Variants in ADGRA3 observed in about 807,000 individuals in gnomAD.
ADGRA3 encodes the protein G-protein coupled receptor 125.
In ADGRA3, 56 loss-of-function variants were observed where a neutral mutation model predicts 119.8. That is an observed-to-expected ratio of 0.47 (90% CI 0.38 to 0.58). The LOEUF (loss-of-function observed/expected upper bound fraction) is 0.58, where lower values mean the gene tolerates loss of function less well. ADGRA3 is among the 20% of genes least tolerant of loss of function. ADGRA3 has a pLI of 0.00. For missense variants in ADGRA3, 1,516 were observed against 1,649.0 expected (o/e 0.92, Z 1.40); for synonymous variants, 607 against 623.8 (o/e 0.97, Z 0.40).
chr4:22,413,501 C>A, intron 13 of ADGRA3, 100 bp downstream of exon 13: 2 of 1,367,134 alleles, frequency 1.5e-6, no homozygotes, highest in East Asian at 2.3e-5. Flanking sequence ...ACTAGTGACT[C>A]ATTAAAACGA....
intron 2 of ADGRA3, among the ~76,000 whole-genome samples, chr4:22,469,785 C>A (rs1717792208): frequency 6.6e-6 from 1 of 152,136 alleles, no homozygotes; most frequent in Non-Finnish European, 1.5e-5. Flanking sequence ...TGACACGGCT[C>A]CCTGCTTCCA....
chr4:22,416,313 A>C (rs1313053115), intron 12 of ADGRA3, among the ~76,000 whole-genome samples: 1 of 152,214 alleles, frequency 6.6e-6, no homozygotes, highest in African/African-American at 2.4e-5. Flanking sequence ...AGAGGTAATA[A>C]AGTAGAAAAA....
intron 4 of ADGRA3, among the ~76,000 whole-genome samples, chr4:22,450,215 C>T (rs1388653874): frequency 6.6e-6 from 1 of 151,002 alleles, no homozygotes; most frequent in Non-Finnish European, 1.5e-5. Context: ...ACAATAAGCT[C>T]ATAGAATGGA....
rs547414778 is a variant in ADGRA3, at chr4:22,400,607, G to T, written c.2481+824C>A. 1.3e-4 allele frequency among the ~76,000 whole-genome samples: 20 copies of T among 152,152 alleles called. No homozygotes were observed. The South Asian group carries it at 3.9e-3, about 30-fold the overall frequency. ...AATTATACAAGATGAAAAGTTCTAG[G>T]TATCTGCTGTACAATGTTGTGCTTA... On this transcript the variant is annotated intron_variant, in intron 16 of 18. Coordinates refer to ENST00000334304, the MANE Select transcript of ADGRA3 (RefSeq NM_145290.4).
At chr4:22,510,347 A>G (rs6821091) in intron 1 of ADGRA3, among the ~76,000 whole-genome samples, 150,249 of 152,222 alleles carry the variant, frequency 0.99, 74,164 homozygotes, top group Non-Finnish European at 0.99. Flanking sequence ...TGGTCTTTCT[A>G]GCTTAATCTC....
In ADGRA3 at chr4:22,461,820, A is replaced by C; in HGVS notation, c.330-12T>G. 6.4e-7 allele frequency: 1 copy of C among 1,571,448 alleles called. No homozygotes were observed. The highest frequency in any genetic ancestry group is 8.7e-7 in the Non-Finnish European group (1 of 1,143,528). ...TGTTTCGGAGGTCCCTGTTAAAAAT[A>C]AAATAAAAGTTATTCACATATCAAC... On this transcript the variant is annotated splice_polypyrimidine_tract_variant and intron_variant, in intron 2 of 18. Transcript: ENST00000334304.
chr4:22,443,965 TC>T lies in ADGRA3; in HGVS notation c.706+1007del, dbSNP rs541875121. ...TCCAAACAAAGACTAAACTGGGACC[TC>T]CCCCCATCACTTTAGGACTGTTTTT... is the stretch of plus-strand genomic sequence containing the variant. On this transcript the variant is annotated intron_variant, in intron 6 of 18. Coordinates refer to ENST00000334304, the MANE Select transcript of ADGRA3 (RefSeq NM_145290.4). Among the ~76,000 whole-genome samples the T allele has an allele frequency of 2.1e-3, 327 of 152,256 alleles. 2 individuals carry two copies. The highest frequency in any genetic ancestry group is 7.6e-3 in the African/African-American group (315 of 41,566).
rs1157572505 is a variant in ADGRA3, at chr4:22,515,734, C to A, written c.51G>T (p.Leu17=). ...RRGRAQPPLL[L]PLSLLALLAL... Reference sequence around the variant, plus strand: ...CGAGCAGCGCTAACAGCGAGAGCGGCAGCAACAGCGGCGGCTGCGCGCGGC... The same window carrying A: ...CGAGCAGCGCTAACAGCGAGAGCGGAAGCAACAGCGGCGGCTGCGCGCGGC... Residue 17 remains leucine (L), a synonymous_variant, in exon 1 of 19, where the codon CTG becomes CTT. Coordinates refer to ENST00000334304, the MANE Select transcript of ADGRA3 (RefSeq NM_145290.4). 2 of 1,045,880 alleles carry A rather than the reference C, an allele frequency of 1.9e-6. No homozygotes were observed. The highest frequency in any genetic ancestry group is 4.1e-5 in the South Asian group (1 of 24,314). 64.8% of individuals were successfully genotyped at this position (1,045,880 alleles called of 1,614,324 possible). A position where few individuals can be genotyped will look rare whatever the true frequency, so the allele number is the denominator to read the frequency against.
intron 1 of ADGRA3, among the ~76,000 whole-genome samples, chr4:22,484,898 T>C (rs1404975176): frequency 3.3e-5 from 5 of 152,210 alleles, no homozygotes; most frequent in Non-Finnish European, 5.9e-5. Context: ...ATCTGCTCCT[T>C]AGCCAGATAT....
chr4:22,498,252 C>CAA (rs72140644), intron 1 of ADGRA3, among the ~76,000 whole-genome samples: 118,026 of 151,538 alleles, frequency 0.78, 46,246 homozygotes, highest in African/African-American at 0.86. Context: ...GTTTCACAAA[C>CAA]AAAAAATAAA....
At chr4:22,429,879 T>C (rs1454994152) in intron 10 of ADGRA3, among the ~76,000 whole-genome samples, 1 of 152,154 alleles carries the variant, frequency 6.6e-6, no homozygotes, top group Admixed American at 6.5e-5. Context: ...TTTGGCTGTG[T>C]CCCCACCAAA....
At chr4:22,457,324 G>A (rs1030612938) in intron 3 of ADGRA3, among the ~76,000 whole-genome samples, 1 of 152,086 alleles carries the variant, frequency 6.6e-6, no homozygotes, top group African/African-American at 2.4e-5. Context: ...TACTTTATGT[G>A]TTCTTGTTAA....
intron 14 of ADGRA3, among the ~76,000 whole-genome samples, chr4:22,408,035 A>G (rs1459692341): frequency 2.6e-5 from 4 of 152,090 alleles, no homozygotes; most frequent in Admixed American, 6.5e-5. Flanking sequence ...ATGTAAAAAA[A>G]CAAAAATGTT....
chr4:22,491,949 C>G (rs577949026), intron 1 of ADGRA3, among the ~76,000 whole-genome samples: 64 of 152,204 alleles, frequency 4.2e-4, no homozygotes, highest in Non-Finnish European at 7.1e-4. Flanking sequence ...AGTTCCCAAT[C>G]GTCAGATCAA....
intron 1 of ADGRA3, among the ~76,000 whole-genome samples, chr4:22,503,230 A>G (rs1719111342): frequency 6.6e-6 from 1 of 152,198 alleles, no homozygotes; most frequent in Non-Finnish European, 1.5e-5. Context: ...GGTCTCATTT[A>G]AAACAAATAA....
chr4:22,387,757 T>C lies in ADGRA3; in HGVS notation c.3914A>G (p.Asp1305Gly), dbSNP rs1713899434. ...TCCAGTCCTAACATTGCCAGTGCTA[T>C]CGGTACCGAGCAAGGGTCCCTCCTG... ...NGQEGPLLGT[D>G]STGNVRTGLW... is the part of the protein sequence containing the mutation. The change falls in exon 19 of 19, where the codon GAT becomes GGT. Residue 1305 changes from aspartate (D) to glycine (G), a missense_variant. Asp to Gly is a moderately conservative substitution (Grantham distance 94, BLOSUM62 -1). Around this residue, in one of 2 missense-constraint regions of ADGRA3, gnomAD observed 1,088 missense variants for 1,107.1 expected, o/e 0.98. Transcript: ENST00000334304. The C allele has an allele frequency of 3.7e-6, 6 of 1,614,056 alleles. No homozygotes were observed. Among genetic ancestry groups the C allele is most frequent in the Non-Finnish European group, 5.1e-6 (6 of 1,179,960 alleles).
At chr4:22,439,816 G>T (rs1577349781) in intron 7 of ADGRA3, among the ~76,000 whole-genome samples, 1 of 152,200 alleles carries the variant, frequency 6.6e-6, no homozygotes, top group East Asian at 1.9e-4. Flanking sequence ...CCCAAACACT[G>T]TCTTACTTCA....
chr4:22,460,438 C>T (rs1208504794), intron 3 of ADGRA3, among the ~76,000 whole-genome samples: 1 of 152,180 alleles, frequency 6.6e-6, no homozygotes, highest in Admixed American at 6.5e-5. Context: ...GACAAAAGTT[C>T]CTCCCAGGAG....
chr4:22,388,909 T>C lies in ADGRA3; in HGVS notation c.2762A>G (p.Tyr921Cys), dbSNP rs745834285. The change falls in exon 19 of 19, where the codon TAT (tyrosine) becomes TGT (cysteine). Residue 921 changes from tyrosine (Y) to cysteine (C), a missense_variant. Tyr to Cys is a radical substitution (Grantham distance 194). Transcript: ENST00000334304. The part of the protein sequence containing the change: ...MAWEPSLGAF[Y>C]GPASFITFVN... ...AAAAGTGATGAAGCTGGCTGGCCCATAGAAGGCTCCCAAGGAGGGTTCCCA... is the reference window on the plus strand; with the variant it reads ...AAAAGTGATGAAGCTGGCTGGCCCACAGAAGGCTCCCAAGGAGGGTTCCCA... 15 of 1,613,912 alleles carry C rather than the reference T, an allele frequency of 9.3e-6. No individual in the cohort carries two copies. Among genetic ancestry groups the C allele is most frequent in the Admixed American group, 3.3e-5 (2 of 59,980 alleles).
Sources: gnomAD v4.1 joint callset for allele counts (sites outside exome capture counted in the v4.1 genomes callset) on GRCh38, gnomAD v4.1.1 for gene constraint, gnomAD v4.1.1 regional missense constraint, MANE v1.5 for transcripts, NCBI Gene and HGNC (gene_info 2026-07-23, HGNC 2026-07-21) for gene names.